Variants in GALNTL6 observed in about 807,000 individuals in gnomAD.
The protein encoded by GALNTL6 is polypeptide N-acetylgalactosaminyltransferase like 6, also known as polypeptide N-acetylgalactosaminyltransferase-like 6.
GALNTL6 carries 46 observed loss-of-function variants against 73.7 expected under a neutral mutation model. That is an observed-to-expected ratio of 0.62 (90% CI 0.49 to 0.80). The LOEUF (loss-of-function observed/expected upper bound fraction) is 0.80. Among genes scored for constraint, GALNTL6 ranks in the 30% least tolerant of loss-of-function variants. GALNTL6 has a pLI of 0.00. For missense variants in GALNTL6, 604 were observed against 755.0 expected, an observed-to-expected ratio of 0.80 and a Z score of 2.34; for synonymous variants, 259 against 263.7, an observed-to-expected ratio of 0.98 and a Z score of 0.17.
At chr4:173,011,379 T>G (rs9998464) in intron 11 of GALNTL6, among the ~76,000 whole-genome samples, 2,555 of 152,320 alleles carry the variant, frequency 0.017, 80 homozygotes, top group African/African-American at 0.054. Context: ...AATTTGTCTA[T>G]TTTTGCTTTG....
intron 2 of GALNTL6, among the ~76,000 whole-genome samples, chr4:171,933,231 T>G (rs1298635432): frequency 6.6e-6 from 1 of 152,224 alleles, no homozygotes; most frequent in Non-Finnish European, 1.5e-5. Flanking sequence ...TGTTTGATTT[T>G]AAATCAGTCC....
intron 5 of GALNTL6, among the ~76,000 whole-genome samples, chr4:172,381,855 A>G (rs1217336702): frequency 6.6e-6 from 1 of 152,236 alleles, no homozygotes; most frequent in Non-Finnish European, 1.5e-5. Context: ...GATAGCACAA[A>G]AAACAATGTG....
At chr4:172,162,194 A>T (rs1444700658) in intron 2 of GALNTL6, among the ~76,000 whole-genome samples, 1 of 151,888 alleles carries the variant, frequency 6.6e-6, no homozygotes, top group East Asian at 1.9e-4. Context: ...CTTTCCATGG[A>T]GACAATATCT....
intron 2 of GALNTL6, among the ~76,000 whole-genome samples, chr4:172,192,817 G>T (rs890494795): frequency 1.3e-5 from 2 of 152,258 alleles, no homozygotes; most frequent in East Asian, 1.9e-4. Flanking sequence ...TGGGGGGAAG[G>T]GGTGCCTGCA....
intron 5 of GALNTL6, among the ~76,000 whole-genome samples, chr4:172,693,867 A>G (rs1733479717): frequency 6.6e-6 from 1 of 152,048 alleles, no homozygotes. Flanking sequence ...TGAATGATGA[A>G]CCCTCTGTGG....
intron 2 of GALNTL6, among the ~76,000 whole-genome samples, chr4:171,852,539 T>G (rs964079224): frequency 4.6e-5 from 7 of 151,308 alleles, no homozygotes; most frequent in Non-Finnish European, 8.9e-5. Context: ...TATATAGCTT[T>G]CTTTATATAG....
chr4:172,317,053 G>T (rs1024577737), intron 4 of GALNTL6, among the ~76,000 whole-genome samples: 6 of 152,276 alleles, frequency 3.9e-5, no homozygotes, highest in Admixed American at 3.3e-4. Context: ...TGACTGTCCT[G>T]CCACATGGGA....
intron 7 of GALNTL6, among the ~76,000 whole-genome samples, chr4:172,881,150 G>T (rs1331438469): frequency 6.6e-6 from 1 of 152,180 alleles, no homozygotes; most frequent in Non-Finnish European, 1.5e-5. Context: ...ACTTGCAGAA[G>T]TAATGCTTAC....
At chr4:172,845,906 T>C (rs560917189) in intron 7 of GALNTL6, among the ~76,000 whole-genome samples, 1 of 152,326 alleles carries the variant, frequency 6.6e-6, no homozygotes, top group South Asian at 2.1e-4. Context: ...TGTATAAAAG[T>C]TTTCCAAATA....
In GALNTL6 at chr4:172,861,224, A is replaced by C. The variant is rs150270985; in HGVS notation, c.924-21566A>C. 2.6e-3 allele frequency among the ~76,000 whole-genome samples: 390 copies of C among 152,120 alleles called. 4 individuals carry two copies. The highest frequency in any genetic ancestry group is 3.6e-3 in the Non-Finnish European group (246 of 67,980). ...TTTGAGGATAAGCTGGTGAGAAATAAACTTTTTGTTTCATCAGTAGGTTAT... is the reference window on the plus strand; with the variant it reads ...TTTGAGGATAAGCTGGTGAGAAATACACTTTTTGTTTCATCAGTAGGTTAT... On this transcript the variant is annotated intron_variant, in intron 7 of 12. Transcript: ENST00000506823.
chr4:173,025,184 T>C (rs1753182288), intron 12 of GALNTL6, among the ~76,000 whole-genome samples: 1 of 152,186 alleles, frequency 6.6e-6, no homozygotes, highest in Non-Finnish European at 1.5e-5. Context: ...TGGGGCTATG[T>C]TCAGTTGAAC....
chr4:171,858,289 C>T (rs751861390), intron 2 of GALNTL6, among the ~76,000 whole-genome samples: 9 of 151,960 alleles, frequency 5.9e-5, no homozygotes, highest in Non-Finnish European at 8.8e-5. Flanking sequence ...TGTTATTAAT[C>T]GTGTGTTTTG....
At chr4:172,802,649 T>C (rs112211893) in intron 5 of GALNTL6, among the ~76,000 whole-genome samples, 1,844 of 151,738 alleles carry the variant, frequency 0.012, 38 homozygotes, top group African/African-American at 0.041. Flanking sequence ...TAAAATAAAA[T>C]AAAATTAGCC....
intron 2 of GALNTL6, among the ~76,000 whole-genome samples, chr4:172,069,798 G>T (rs1731498900): frequency 9.5e-6 from 1 of 104,736 alleles, no homozygotes; most frequent in Non-Finnish European, 2.1e-5. Context: ...TGTACTCTAT[G>T]GCAGGCACAG....
At chr4:171,853,460 A>G (rs1428065376) in intron 2 of GALNTL6, among the ~76,000 whole-genome samples, 1 of 137,806 alleles carries the variant, frequency 7.3e-6, no homozygotes, top group African/African-American at 2.7e-5. Flanking sequence ...CTATGTGTTC[A>G]TTCTTTTCTT....
intron 2 of GALNTL6, among the ~76,000 whole-genome samples, chr4:172,170,267 TC>T (rs1734768887): frequency 6.6e-6 from 1 of 152,176 alleles, no homozygotes; most frequent in Non-Finnish European, 1.5e-5. Context: ...GGGGGCAGTT[TC>T]CCCATGCTGT....
chr4:172,262,573 A>G (rs935761638), intron 3 of GALNTL6, among the ~76,000 whole-genome samples: 22 of 151,730 alleles, frequency 1.4e-4, no homozygotes, highest in African/African-American at 5.1e-4. Context: ...ATTTTTAGCC[A>G]TTCTGCCATT....
At chr4:171,937,011 T>C (rs1738370053) in intron 2 of GALNTL6, among the ~76,000 whole-genome samples, 1 of 152,102 alleles carries the variant, frequency 6.6e-6, no homozygotes, top group Non-Finnish European at 1.5e-5. Flanking sequence ...ACAATACAAG[T>C]ACCCAAGAAA....
intron 8 of GALNTL6, among the ~76,000 whole-genome samples, chr4:172,906,083 G>T (rs1475989643): frequency 6.6e-6 from 1 of 152,146 alleles, no homozygotes; most frequent in African/African-American, 2.4e-5. Context: ...CAACAGATGA[G>T]CTTGCTGGTG....
Sources: gnomAD v4.1 joint callset for allele counts (sites outside exome capture counted in the v4.1 genomes callset) on GRCh38, gnomAD v4.1.1 for gene constraint, MANE v1.5 for transcripts, NCBI Gene and HGNC (gene_info 2026-07-23, HGNC 2026-07-21) for gene names.